EXT1: variants seen among roughly 807,000 people sequenced by gnomAD.
EXT1 encodes the protein exostosin glycosyltransferase 1, also known as exostosin-1.
Under a neutral mutation model 82.5 loss-of-function variants are expected in EXT1, and 20 were observed. The ratio of observed to expected loss-of-function variants is 0.24; its 90% confidence interval spans 0.17 to 0.35. The LOEUF (loss-of-function observed/expected upper bound fraction) is 0.35. Ranked by LOEUF, EXT1 falls within the 10% of genes least tolerant of loss-of-function variation. The pLI is 1.00. For missense variants in EXT1, 757 were observed against 936.5 expected (o/e 0.81, Z 2.50); for synonymous variants, 348 against 350.8 (o/e 0.99, Z 0.09).
chr8:117,882,213 T>G (rs1813072912), intron 1 of EXT1, among the ~76,000 whole-genome samples: 1 of 152,210 alleles, frequency 6.6e-6, no homozygotes, highest in Non-Finnish European at 1.5e-5. Context: ...CCTGAGTAGT[T>G]GGGACTACAG....
At position 117,949,067 on chromosome 8, in the gene EXT1, T is replaced by G. The variant is rs73323935; in HGVS notation, c.963-111866A>C. 7.9e-3 allele frequency among the ~76,000 whole-genome samples: 1,200 copies of G among 152,328 alleles called. 23 individuals are homozygous for G. The highest frequency in any genetic ancestry group is 0.028 in the African/African-American group (1,146 of 41,576). ...TGAATTTTAAATGTTGTCTAACGACTCTAATATTCTTTGTTGAGAGTATTT... is the reference window on the plus strand; with the variant it reads ...TGAATTTTAAATGTTGTCTAACGACGCTAATATTCTTTGTTGAGAGTATTT... On this transcript the variant is annotated intron_variant, in intron 1 of 10. Coordinates refer to ENST00000378204, the MANE Select transcript of EXT1 (RefSeq NM_000127.3).
Position 117,796,621 on chromosome 8 carries a change from C to G in EXT1, c.*3091G>C, listed in dbSNP as rs1823092488. ...CCATTTGTCACAAGAAGAAATTAAA[C>G]TGTAATGCACATAAGATTCCAGTAA... On this transcript the variant is annotated 3_prime_UTR_variant, in exon 11 of 11. Coordinates refer to ENST00000378204, the MANE Select transcript of EXT1 (RefSeq NM_000127.3). The G allele has an allele frequency of 6.6e-6, 1 of 152,192 alleles. No individual in the cohort carries two copies. Among genetic ancestry groups the G allele is most frequent in the Non-Finnish European group, 1.5e-5 (1 of 68,040 alleles). The allele number at this position is 152,192 out of a possible 1,614,324, so 9.4% of individuals were successfully genotyped here.
chr8:117,813,516 A>T (rs1823368358), intron 7 of EXT1, among the ~76,000 whole-genome samples: 1 of 152,198 alleles, frequency 6.6e-6, no homozygotes, highest in Non-Finnish European at 1.5e-5. Flanking sequence ...AGTGATTCCA[A>T]GTGTGGACAC....
chr8:117,914,019 A>T (rs1488490056), intron 1 of EXT1, among the ~76,000 whole-genome samples: 2 of 152,208 alleles, frequency 1.3e-5, no homozygotes, highest in Non-Finnish European at 2.9e-5. Context: ...GACCCAGAAG[A>T]GTCAGCATAT....
In EXT1 at chr8:117,794,909, C is replaced by G. The variant is rs560837422; in HGVS notation, c.*4803G>C. On this transcript the variant is annotated 3_prime_UTR_variant, in exon 11 of 11. Coordinates refer to ENST00000378204, the MANE Select transcript of EXT1 (RefSeq NM_000127.3). ...TCTTTCTTTCTGCCCCTCAACATATCCTATACATATTGTTCTCTCAAAATA... is the reference window on the plus strand; with the variant it reads ...TCTTTCTTTCTGCCCCTCAACATATGCTATACATATTGTTCTCTCAAAATA... 1 of 152,280 alleles carries G rather than the reference C, an allele frequency of 6.6e-6. No individual in the cohort carries two copies. The highest frequency in any genetic ancestry group is 1.9e-4 in the East Asian group (1 of 5,174). 9.4% of individuals were successfully genotyped at this position (152,280 alleles called of 1,614,324 possible).
intron 1 of EXT1, among the ~76,000 whole-genome samples, chr8:118,090,962 G>A (rs1817513126): frequency 6.6e-6 from 1 of 152,022 alleles, no homozygotes; most frequent in Non-Finnish European, 1.5e-5. Flanking sequence ...TTTGCAGACA[G>A]TTAGCAAGGA....
intron 1 of EXT1, among the ~76,000 whole-genome samples, chr8:117,871,811 G>A (rs947108179): frequency 2.0e-5 from 3 of 152,024 alleles, no homozygotes; most frequent in African/African-American, 7.2e-5. Context: ...GGTGGGCACG[G>A]TTGCCTGGGG....
intron 1 of EXT1, among the ~76,000 whole-genome samples, chr8:117,897,472 T>A (rs956431651): frequency 6.6e-6 from 1 of 152,150 alleles, no homozygotes; most frequent in African/African-American, 2.4e-5. Context: ...CTTGTAGCAA[T>A]CTGAAAGGTC....
intron 1 of EXT1, among the ~76,000 whole-genome samples, chr8:117,896,131 T>C (rs997988703): frequency 1.3e-5 from 2 of 152,110 alleles, no homozygotes; most frequent in Non-Finnish European, 2.9e-5. Context: ...ATTCTAAGGG[T>C]TTAAACTTGA....
chr8:118,022,871 A>G (rs768149518), intron 1 of EXT1, among the ~76,000 whole-genome samples: 2 of 152,216 alleles, frequency 1.3e-5, no homozygotes, highest in Non-Finnish European at 2.9e-5. Flanking sequence ...GTAAAAATAA[A>G]ATATTTGAAC....
chr8:117,831,474 G>C (rs1812097236), intron 3 of EXT1: 7 of 415,604 alleles, frequency 1.7e-5, no homozygotes, highest in Admixed American at 1.1e-4. Flanking sequence ...TGTACTTCCT[G>C]AGTCTGGTAA....
chr8:118,002,805 T>A (rs1032415108), intron 1 of EXT1, among the ~76,000 whole-genome samples: 23 of 152,180 alleles, frequency 1.5e-4, no homozygotes, highest in Non-Finnish European at 2.8e-4. Flanking sequence ...GTGCTGGGAT[T>A]ACAGGCGTGA....
chr8:117,810,165 G>A (rs1285414364), intron 8 of EXT1, among the ~76,000 whole-genome samples: 1 of 152,142 alleles, frequency 6.6e-6, no homozygotes, highest in East Asian at 1.9e-4. Flanking sequence ...CAGCAATCCA[G>A]ATAAATGTAA....
intron 1 of EXT1, among the ~76,000 whole-genome samples, chr8:118,037,080 A>G (rs11562766): frequency 0.03 from 4,547 of 152,270 alleles, 207 homozygotes; most frequent in African/African-American, 0.1. Context: ...CTCGAGAGAC[A>G]ATGGGAAAGA....
chr8:117,962,510 T>C (rs1447722204), intron 1 of EXT1, among the ~76,000 whole-genome samples: 2 of 151,962 alleles, frequency 1.3e-5, no homozygotes. Context: ...CCCAGCACTT[T>C]TGGAGGCCAA....
chr8:117,856,460 T>G (rs10110445), intron 1 of EXT1, among the ~76,000 whole-genome samples: 32,216 of 140,016 alleles, frequency 0.23, 4,007 homozygotes, highest in East Asian at 0.49. Context: ...TAGAGACGGG[T>G]TTTCATCGTG....
At position 117,847,791 on chromosome 8, in the gene EXT1, C is replaced by A. The variant is rs537423581; in HGVS notation, c.963-10590G>T. 4.6e-5 allele frequency among the ~76,000 whole-genome samples: 7 copies of A among 152,344 alleles called. No individual in the cohort carries two copies. The East Asian group carries it at 1.2e-3, about 25-fold the overall frequency. ...TTTGGCATTCCTACTGTTCTCACCC[C>A]CAGGGCAGGCACTGTGCAGAGTCTG... On this transcript the variant is annotated intron_variant, in intron 1 of 10. Transcript: ENST00000378204.
chr8:117,934,326 T>C (rs1006277391), intron 1 of EXT1, among the ~76,000 whole-genome samples: 1 of 152,074 alleles, frequency 6.6e-6, no homozygotes, highest in Non-Finnish European at 1.5e-5. Flanking sequence ...GGCAGAGGGA[T>C]AGAATGGCCC....
intron 1 of EXT1, among the ~76,000 whole-genome samples, chr8:117,875,262 TA>T (rs1221357191): frequency 2.0e-5 from 3 of 150,860 alleles, no homozygotes; most frequent in Non-Finnish European, 3.0e-5. Flanking sequence ...GCTAAAAATA[TA>T]AAAAAAAATT....
Sources: allele counts gnomAD v4.1 joint callset (sites outside exome capture counted in the v4.1 genomes callset), GRCh38; gene constraint gnomAD v4.1.1; transcripts MANE v1.5; gene names NCBI Gene and HGNC (gene_info 2026-07-23, HGNC 2026-07-21).